Variants in HAPSTR1 observed in about 807,000 individuals in gnomAD.
HAPSTR1 encodes the protein HUWE1 associated protein modifying stress responses.
chr16:9,104,185 G>T, the HAPSTR1 span: 1 of 150,948 alleles, frequency 6.6e-6, no homozygotes, highest in Non-Finnish European at 1.5e-5. Flanking sequence ...CGCGATATTG[G>T]CTCACCGCGA....
the HAPSTR1 span, among the ~76,000 whole-genome samples, chr16:9,101,622 TAAAG>T: frequency 1.3e-5 from 2 of 152,322 alleles, no homozygotes; most frequent in South Asian, 4.1e-4. Flanking sequence ...TCTTTAGCAA[TAAAG>T]ACTGTCATCT....
At chr16:9,098,207 C>T in the HAPSTR1 span, among the ~76,000 whole-genome samples, 1 of 152,144 alleles carries the variant, frequency 6.6e-6, no homozygotes, top group South Asian at 2.1e-4. Flanking sequence ...TGGTGCATGC[C>T]TGTAATCCCA....
At chr16:9,092,935 C>A in the HAPSTR1 span, 2 of 1,604,412 alleles carry the variant, frequency 1.2e-6, no homozygotes. Flanking sequence ...AGTGTGTCAG[C>A]AGCCAGGACT....
At chr16:9,100,034 C>G in the HAPSTR1 span, among the ~76,000 whole-genome samples, 112 of 152,258 alleles carry the variant, frequency 7.4e-4, no homozygotes, top group Non-Finnish European at 1.5e-4. Context: ...CAGTACAAAA[C>G]TACATTATGC....
chr16:9,116,849 C>T, the HAPSTR1 span: 29 of 1,614,052 alleles, frequency 1.8e-5, no homozygotes, highest in African/African-American at 2.7e-5. Context: ...GAAAGCGTAC[C>T]TCAGCCCAGT....
At chr16:9,097,511 A>T in the HAPSTR1 span, among the ~76,000 whole-genome samples, 2 of 152,230 alleles carry the variant, frequency 1.3e-5, no homozygotes. Context: ...TGCCGGGATT[A>T]TAACTGTGAG....
the HAPSTR1 span, among the ~76,000 whole-genome samples, chr16:9,095,977 C>T: frequency 4.6e-5 from 7 of 152,176 alleles, no homozygotes; most frequent in African/African-American, 1.7e-4. Context: ...ATTCCTGGAA[C>T]TAAAGAAGGG....
At chr16:9,104,021 A>G in the HAPSTR1 span, 1 of 150,592 alleles carries the variant, frequency 6.6e-6, no homozygotes, top group Non-Finnish European at 1.5e-5. Context: ...AAAAAGCAAC[A>G]GAATAATAAG....
At chr16:9,115,361 T>C in the HAPSTR1 span, among the ~76,000 whole-genome samples, 7 of 152,278 alleles carry the variant, frequency 4.6e-5, no homozygotes, top group Admixed American at 3.3e-4. Context: ...TGAAAATTAA[T>C]TGATAGTCAA....
the HAPSTR1 span, among the ~76,000 whole-genome samples, chr16:9,114,349 G>T: frequency 1.3e-5 from 2 of 152,140 alleles, no homozygotes; most frequent in Middle Eastern, 3.2e-3. Flanking sequence ...GGCGACTGAG[G>T]AGTGAGCGGA....
the HAPSTR1 span, chr16:9,110,210 C>T: frequency 1.4e-5 from 2 of 139,124 alleles, no homozygotes; most frequent in Admixed American, 1.5e-4. Flanking sequence ...TTACATGGAA[C>T]TTCTTATTCT....
the HAPSTR1 span, among the ~76,000 whole-genome samples, chr16:9,100,144 A>G: frequency 5.6e-4 from 85 of 152,312 alleles, no homozygotes; most frequent in Admixed American, 4.6e-3. Context: ...AAAATGCATG[A>G]CTTCTAGTGT....
chr16:9,108,248 T>C, the HAPSTR1 span: 1 of 152,278 alleles, frequency 6.6e-6, no homozygotes, highest in African/African-American at 2.4e-5. Context: ...GGCTAAGATA[T>C]GGAGCAGGTT....
chr16:9,092,483 G>C, the HAPSTR1 span, among the ~76,000 whole-genome samples: 1 of 152,144 alleles, frequency 6.6e-6, no homozygotes, highest in East Asian at 1.9e-4. Flanking sequence ...AGCCGGCGTG[G>C]GGGTAGCCCC....
chr16:9,093,667 A>T, the HAPSTR1 span, among the ~76,000 whole-genome samples: 1 of 152,122 alleles, frequency 6.6e-6, no homozygotes, highest in Non-Finnish European at 1.5e-5. Flanking sequence ...TTCTGTTGAG[A>T]GTTTTGAGTC....
At chr16:9,095,210 A>C in the HAPSTR1 span, among the ~76,000 whole-genome samples, 43 of 152,278 alleles carry the variant, frequency 2.8e-4, no homozygotes, top group African/African-American at 9.9e-4. Context: ...TGATAGTGCA[A>C]CGTTTTCTTA....
At chr16:9,114,361 A>G in the HAPSTR1 span, among the ~76,000 whole-genome samples, 1 of 152,018 alleles carries the variant, frequency 6.6e-6, no homozygotes, top group Non-Finnish European at 1.5e-5. Context: ...GTGAGCGGAG[A>G]GTTTCAATTT....
the HAPSTR1 span, among the ~76,000 whole-genome samples, chr16:9,094,157 G>T: frequency 6.6e-6 from 1 of 152,144 alleles, no homozygotes; most frequent in Non-Finnish European, 1.5e-5. Flanking sequence ...TTTTGGGACA[G>T]TAATTTGAGA....
At chr16:9,094,541 G>C in the HAPSTR1 span, among the ~76,000 whole-genome samples, 1 of 151,646 alleles carries the variant, frequency 6.6e-6, no homozygotes, top group Admixed American at 6.6e-5. Flanking sequence ...CCCAGTCCCT[G>C]GCAGTCACTG....
Sources: gnomAD v4.1 joint callset for allele counts (sites outside exome capture counted in the v4.1 genomes callset) on GRCh38, gnomAD v4.1.1 for gene constraint, MANE v1.5 for transcripts, NCBI Gene and HGNC (gene_info 2026-07-23, HGNC 2026-07-21) for gene names.